The following SPEG variants were observed in gnomAD, a reference collection of about 807,000 sequenced individuals.
SPEG encodes striated muscle enriched protein kinase.
SPEG carries 114 observed loss-of-function variants against 300.4 expected under a neutral mutation model. The observed-to-expected ratio is 0.38, with a 90% CI of 0.33 to 0.44. The LOEUF (loss-of-function observed/expected upper bound fraction) is 0.44, where lower values mean the gene tolerates loss of function less well. SPEG is among the 20% of genes least tolerant of loss of function. The probability of loss-of-function intolerance (pLI) is 1.00; values close to 1 mark genes in which losing one functional copy is unlikely to be tolerated. For missense variants in SPEG, 4,201 were observed against 4,586.2 expected, an observed-to-expected ratio of 0.92 and a Z score of 2.43; for synonymous variants, 1,964 against 2,018.9, an observed-to-expected ratio of 0.97 and a Z score of 0.73.
intron 28 of SPEG, 137 bp from the exon 29 acceptor site, chr2:219,482,647 C>A (rs1334415022): frequency 1.4e-6 from 1 of 703,370 alleles, no homozygotes; most frequent in Non-Finnish European, 2.5e-6. Flanking sequence ...GGAAGGGGAC[C>A]CCCAGGAGCC....
In SPEG at chr2:219,439,045, G is replaced by A. The variant is rs559440961; in HGVS notation, c.388+3680G>A. ...GCATGCCAAGTGCTGACCAGTGAGC[G>A]GAGGAGAGGCCAGAGTGGGAGCAGA... On this transcript the variant is annotated intron_variant, in intron 1 of 40. Transcript: ENST00000312358. This position sits in a 1 kb window ranked among gnomAD's most constrained non-coding sequence, Gnocchi z 4.5. Among the ~76,000 whole-genome samples, 15 of 152,200 alleles carry A rather than the reference G, an allele frequency of 9.9e-5. No individual in the cohort carries two copies. In the East Asian group the frequency reaches 1.7e-3, roughly 18 times the overall value.
chr2:219,452,023 C>T (rs1382319302), intron 6 of SPEG, among the ~76,000 whole-genome samples: 1 of 152,250 alleles, frequency 6.6e-6, no homozygotes, highest in Non-Finnish European at 1.5e-5. Context: ...CCAAGGCGCA[C>T]AGAAGGCTGG....
chr2:219,443,301 A>G lies in SPEG; in HGVS notation c.389-1352A>G, dbSNP rs891216196. ...ACACTTATCTACCACCCACCCGACC[A>G]GGCCCCCTGTGCCCTACAGCTGAGA... is the stretch of plus-strand genomic sequence containing the variant. On this transcript the variant is annotated intron_variant, in intron 1 of 40. Coordinates refer to ENST00000312358, the MANE Select transcript of SPEG (RefSeq NM_005876.5). The surrounding 1 kb of genome is among the most constrained non-coding windows in gnomAD (Gnocchi z 4.6). The G allele has an allele frequency of 8.4e-6, 7 of 833,928 alleles. No homozygotes were observed. The African/African-American group carries it at 1.2e-4, about 14-fold the overall frequency. 51.7% of individuals were successfully genotyped at this position (833,928 alleles called of 1,614,324 possible).
chr2:219,466,430 G>A, intron 9 of SPEG: 1 of 1,269,322 alleles, frequency 7.9e-7, no homozygotes, highest in South Asian at 2.0e-5. Context: ...TTGTCTGTCT[G>A]TGTGTCTGTG....
chr2:219,448,929 A>T lies in SPEG; in HGVS notation c.1771A>T (p.Arg591Trp). The T allele has an allele frequency of 6.7e-7, 1 of 1,488,438 alleles. No homozygotes were observed. The highest frequency in any genetic ancestry group is 8.9e-7 in the Non-Finnish European group (1 of 1,124,562). The allele number at this position is 1,488,438 out of a possible 1,614,324, so 92.2% of individuals were successfully genotyped here. Reference sequence around the variant, plus strand: ...GGGGGAAGGCCCGCAGCAGGAGGTTAGGCGTCGGGACCAATTCCCGCTGAC... The same window carrying T: ...GGGGGAAGGCCCGCAGCAGGAGGTTTGGCGTCGGGACCAATTCCCGCTGAC... Reference protein sequence around the residue: ...EPGEGPQQEVRRRDQFPLTRS... With the variant: ...EPGEGPQQEVWRRDQFPLTRS... The change falls in exon 4 of 41, where the codon AGG (arginine) becomes TGG (tryptophan). Residue 591 changes from arginine to tryptophan, a missense_variant. By Grantham distance (101) the Arg-to-Trp change is moderately radical. This residue lies in a region of SPEG where 1,258 missense variants were observed against 1,293.9 expected (regional missense o/e 0.97). Transcript: ENST00000312358.
Position 219,491,833 on chromosome 2 carries a change from C to T in SPEG, c.9425C>T (p.Thr3142Met), listed in dbSNP as rs1694001254. Residue 3142 changes from threonine to methionine, a missense_variant, in exon 39 of 41, where the codon ACG becomes ATG. Physicochemically the swap from Thr to Met is moderately conservative, Grantham distance 81. This residue lies in a region of SPEG where 318 missense variants were observed against 429.5 expected (regional missense o/e 0.74). Transcript: ENST00000312358. Reference sequence around the variant, plus strand: ...AAGGGAGAACCCATCGGCTCTGCCACGGACATCTGGGGAGCGGGTGTGCTC... The same window carrying T: ...AAGGGAGAACCCATCGGCTCTGCCATGGACATCTGGGGAGCGGGTGTGCTC... Reference protein sequence around the residue: ...MVKGEPIGSATDIWGAGVLTY... With the variant: ...MVKGEPIGSAMDIWGAGVLTY... 2.5e-6 allele frequency: 4 copies of T among 1,612,494 alleles called. No individual in the cohort carries two copies. The highest frequency in any genetic ancestry group is 1.3e-5 in the African/African-American group (1 of 74,890).
At position 219,462,377 on chromosome 2, in the gene SPEG, T is replaced by C; in HGVS notation, c.2696T>C (p.Val899Ala). Reference sequence around the variant, plus strand: ...CGCGTGCAGGGGGAGCCCAAGCCTGTGGTCTCCTGGTGAGTAGCCGCACTT... The same window carrying C: ...CGCGTGCAGGGGGAGCCCAAGCCTGCGGTCTCCTGGTGAGTAGCCGCACTT... ...SIRVQGEPKP[V>A]VSWLRNRQPV... The change falls in exon 8 of 41, where the codon GTG (valine) becomes GCG (alanine). Residue 899 changes from valine to alanine, a missense_variant. By Grantham distance (64) the Val-to-Ala change is moderately conservative. Transcript: ENST00000312358. The C allele has an allele frequency of 1.9e-6, 3 of 1,558,066 alleles. No individual in the cohort carries two copies. The highest frequency in any genetic ancestry group is 2.6e-6 in the Non-Finnish European group (3 of 1,150,362).
chr2:219,492,100 T>A lies in SPEG; in HGVS notation c.9462-11T>A. On this transcript the variant is annotated splice_polypyrimidine_tract_variant and intron_variant, in intron 39 of 40. Transcript: ENST00000312358. The stretch of plus-strand genomic sequence containing the variant: ...GTCTGCATACGTCAATCAAGCTATC[T>A]TCCCCAACAGGCTCAGTGGACGCTC... 1 of 1,607,766 alleles carries A rather than the reference T, an allele frequency of 6.2e-7. No individual in the cohort carries two copies. The highest frequency in any genetic ancestry group is 8.5e-7 in the Non-Finnish European group (1 of 1,175,976).
rs1432963430 is a variant in SPEG at position 219,480,405 on chromosome 2, C to T, written c.5342+265C>T. ...GCCTTCCCCTCAGCATTCAGCCTGC[C>T]TCCTCCAGTAAGGCAGGCATGGTCC... On this transcript the variant is annotated intron_variant, in intron 25 of 40. Transcript: ENST00000312358. This position sits in a 1 kb window ranked among gnomAD's most constrained non-coding sequence, Gnocchi z 5.3. Among the ~76,000 whole-genome samples the T allele has an allele frequency of 2.0e-5, 3 of 152,154 alleles. No individual in the cohort carries two copies. Among genetic ancestry groups the T allele is most frequent in the Non-Finnish European group, 4.4e-5 (3 of 67,992 alleles).
Position 219,464,096 on chromosome 2 carries a change from C to T in SPEG, c.2706-337C>T, listed in dbSNP as rs1264584957. Among the ~76,000 whole-genome samples, 1 of 150,578 alleles carries T rather than the reference C, an allele frequency of 6.6e-6. No individual in the cohort carries two copies. Among genetic ancestry groups the T allele is most frequent in the African/African-American group, 2.5e-5 (1 of 40,776 alleles). On this transcript the variant is annotated intron_variant, in intron 8 of 40. Transcript: ENST00000312358. This position sits in a 1 kb window ranked among gnomAD's most constrained non-coding sequence, Gnocchi z 4.5. ...TGTGATTGTGCCACTGCACTCCAGC[C>T]TGGGTGACAGAGGGAAACCCTGTTT...
intron 6 of SPEG, among the ~76,000 whole-genome samples, chr2:219,453,017 C>G (rs1297729552): frequency 6.6e-6 from 1 of 152,228 alleles, no homozygotes; most frequent in African/African-American, 2.4e-5. Context: ...CTCCTCCTAC[C>G]CCTCCTACCC....
chr2:219,468,151 T>G (rs944292115), intron 10 of SPEG, among the ~76,000 whole-genome samples: 2 of 152,224 alleles, frequency 1.3e-5, no homozygotes, highest in Admixed American at 1.3e-4. Context: ...AAGGGGCATC[T>G]GCTCTGGGTC....
chr2:219,473,894 G>A lies in SPEG; in HGVS notation c.4438G>A (p.Glu1480Lys). ...HGTQTCSVTL[E>K]LAEAPRFESI... ...CACACAGACCTGCTCGGTCACATTG[G>A]AGCTGGCAGGTGGGTGACAGCGGGC... is the stretch of plus-strand genomic sequence containing the variant. Residue 1480 changes from glutamate to lysine, a missense_variant, in exon 18 of 41, where the codon GAG (glutamate) becomes AAG (lysine). This residue lies in a region of SPEG where 1,047 missense variants were observed against 1,356.8 expected (regional missense o/e 0.77). Coordinates refer to ENST00000312358, the MANE Select transcript of SPEG (RefSeq NM_005876.5). The surrounding 1 kb of genome is among the most constrained non-coding windows in gnomAD (Gnocchi z 4.6). 6.2e-7 allele frequency: 1 copy of A among 1,606,934 alleles called. No individual in the cohort carries two copies. The highest frequency in any genetic ancestry group is 8.5e-7 in the Non-Finnish European group (1 of 1,175,666).
At position 219,492,176 on chromosome 2, in the gene SPEG, G is replaced by A; in HGVS notation, c.9527G>A (p.Gly3176Asp). The change falls in exon 40 of 41, where the codon GGC (glycine) becomes GAC (aspartate). Residue 3176 changes from glycine (G) to aspartate (D), a missense_variant. Physicochemically the swap from Gly to Asp is moderately conservative, Grantham distance 94. Transcript: ENST00000312358. The stretch of plus-strand genomic sequence containing the variant: ...GAAACGGAGGCTCGGATTGTGGGGG[G>A]CCGCTTTGATGCCTTCCAGCTGTAC... The part of the protein sequence containing the change: ...PQETEARIVG[G>D]RFDAFQLYPN... 1 of 1,613,704 alleles carries A rather than the reference G, an allele frequency of 6.2e-7. No homozygotes were observed. The highest frequency in any genetic ancestry group is 8.5e-7 in the Non-Finnish European group (1 of 1,179,896).
chr2:219,465,585 G>A (rs1370949686), intron 9 of SPEG: 8 of 190,628 alleles, frequency 4.2e-5, no homozygotes, highest in South Asian at 2.1e-4. Flanking sequence ...GATTCCTTCC[G>A]ACACCCCCAG....
At chr2:219,440,561 T>TTTTGTTTA (rs1553605123) in intron 1 of SPEG, among the ~76,000 whole-genome samples, 1 of 143,580 alleles carries the variant, frequency 7.0e-6, no homozygotes. Flanking sequence ...ATTTATTTTA[T>TTTTGTTTA]TTTATTTATT....
chr2:219,441,533 A>G, intron 1 of SPEG: 1 of 470,388 alleles, frequency 2.1e-6, no homozygotes, highest in Non-Finnish European at 4.4e-6. Context: ...GTGTGCGCGC[A>G]TGTTTGTGGA....
Position 219,459,999 on chromosome 2 carries a change from G to T in SPEG, c.2441-1883G>T, listed in dbSNP as rs1690516507. Among the ~76,000 whole-genome samples the T allele has an allele frequency of 5.9e-5, 9 of 152,252 alleles. No individual in the cohort carries two copies. Among genetic ancestry groups the T allele is most frequent in the Admixed American group, 5.9e-4 (9 of 15,290 alleles). The stretch of plus-strand genomic sequence containing the variant: ...CCTGCTCAACAGCCCCCTTCTCTCA[G>T]GTTCTGTGTCCAAACCCTTTCCCCA... On this transcript the variant is annotated intron_variant, in intron 6 of 40. Coordinates refer to ENST00000312358, the MANE Select transcript of SPEG (RefSeq NM_005876.5). The surrounding 1 kb of genome is among the most constrained non-coding windows in gnomAD (Gnocchi z 4.9).
chr2:219,446,216 G>A (rs946157731), intron 3 of SPEG, among the ~76,000 whole-genome samples: 4 of 152,128 alleles, frequency 2.6e-5, no homozygotes, highest in East Asian at 1.9e-4. Flanking sequence ...GGCCTTACCC[G>A]GTGTTCCTGT....
Sources: allele counts gnomAD v4.1 joint callset (sites outside exome capture counted in the v4.1 genomes callset), GRCh38; gene constraint gnomAD v4.1.1; regional missense constraint gnomAD v4.1.1; non-coding constraint Gnocchi (gnomAD v3.1); transcripts MANE v1.5; gene names NCBI Gene and HGNC (gene_info 2026-07-23, HGNC 2026-07-21).